Variants in AGRN observed in about 807,000 individuals in gnomAD.
AGRN encodes the protein agrin proteoglycan.
In AGRN, 106 loss-of-function variants were observed where a neutral mutation model predicts 211.0. That is an observed-to-expected ratio of 0.50 (90% CI 0.43 to 0.59). The LOEUF is 0.59. Ranked by LOEUF, AGRN falls within the 20% of genes least tolerant of loss-of-function variation. AGRN has a pLI of 0.00. For synonymous variants in AGRN, 1,525 were observed against 1,332.5 expected (o/e 1.14, Z -3.15); for missense variants, 3,040 against 2,982.6 (o/e 1.02, Z -0.45).
In AGRN at chr1:1,054,176, T is replaced by C. The variant is rs141601442; in HGVS notation, c.5876+199T>C. Among the ~76,000 whole-genome samples the C allele has an allele frequency of 2.7e-4, 41 of 152,312 alleles. 1 individual carries two copies. In the East Asian group the frequency reaches 7.9e-3, roughly 29 times the overall value. On this transcript the variant is annotated intron_variant, in intron 34 of 35. Transcript: ENST00000379370. The stretch of plus-strand genomic sequence containing the variant: ...GATCAGTTTCCACGTCTGAAAGGCA[T>C]CCCGGCCCTGCCCGGAGCCTGCCGG...
chr1:1,050,888 C>T, intron 30 of AGRN, 51 bp downstream of exon 30: 1 of 1,520,320 alleles, frequency 6.6e-7, no homozygotes, highest in Non-Finnish European at 8.8e-7. Context: ...GCTCTTCCTC[C>T]TCGGGCGGCA....
At position 1,046,142 on chromosome 1, in the gene AGRN, C is replaced by T. The variant is rs781205723; in HGVS notation, c.2806-18C>T. ...GGGGAGGAGGCCTCGCCTTGAACAT[C>T]CTTGTTCTCTGCCCCAGGTCTGTGG... On this transcript the variant is annotated intron_variant, in intron 16 of 35. Transcript: ENST00000379370. 4.5e-5 allele frequency: 73 copies of T among 1,613,824 alleles called. No individual in the cohort carries two copies. Among genetic ancestry groups the T allele is most frequent in the Non-Finnish European group, 5.8e-5 (69 of 1,180,016 alleles).
At chr1:1,050,062 CAGGGG>C in intron 27 of AGRN, 25 bp downstream of exon 27, 2 of 755,674 alleles carry the variant, frequency 2.6e-6, no homozygotes, top group East Asian at 9.8e-5. Flanking sequence ...GCTCTCGGGG[CAGGGG>C]GGGGGGGGGG....
intron 2 of AGRN, among the ~76,000 whole-genome samples, chr1:1,033,474 CCCCAGGCGCTTCCTCCTCCCGCGACCTG>C (rs1644719991): frequency 6.6e-6 from 1 of 151,642 alleles, no homozygotes. Context: ...AGCTCCTGCT[CCCCAGGCGCTTCCTCCTCCCGCGACCTG>C]CCCCGGCCGC....
rs754376269 is a variant in AGRN, at chr1:1,032,232, G to T, written c.464-3045G>T. On this transcript the variant is annotated intron_variant, in intron 2 of 35. Transcript: ENST00000379370. The surrounding 1 kb of genome is among the most constrained non-coding windows in gnomAD (Gnocchi z 4.7). Reference sequence around the variant, plus strand: ...TGGCTGAGTTTGGATTTTCCTGCAGGGTTTCATTGGAACACCAGGTTCCAG... The same window carrying T: ...TGGCTGAGTTTGGATTTTCCTGCAGTGTTTCATTGGAACACCAGGTTCCAG... Among the ~76,000 whole-genome samples the T allele has an allele frequency of 7.9e-5, 12 of 152,160 alleles. No individual in the cohort carries two copies. The highest frequency in any genetic ancestry group is 1.5e-4 in the Non-Finnish European group (10 of 68,022).
intron 7 of AGRN, among the ~76,000 whole-genome samples, chr1:1,043,010 GGCAGCCTCGCCC>G (rs1457843448): frequency 2.0e-5 from 3 of 152,090 alleles, no homozygotes; most frequent in African/African-American, 7.2e-5. Context: ...CAAGCTTGGG[GGCAGCCTCGCCC>G]GCAGCCACCG....
chr1:1,033,860 C>A (rs1486688616), intron 2 of AGRN, among the ~76,000 whole-genome samples: 1 of 150,150 alleles, frequency 6.7e-6, no homozygotes, highest in African/African-American at 2.5e-5. Context: ...GCCTGCCCGG[C>A]GTTCCCTTTT....
At chr1:1,025,112 G>A (rs1272499599) in intron 2 of AGRN, among the ~76,000 whole-genome samples, 1 of 152,162 alleles carries the variant, frequency 6.6e-6, no homozygotes, top group Admixed American at 6.5e-5. Flanking sequence ...GGCCGCCCGG[G>A]GCCCATCCCT....
Position 1,051,495 on chromosome 1 carries a change from C to T in AGRN, c.5413C>T (p.Leu1805=), listed in dbSNP as rs751461791. ...CCAGCTGCTGACCCCGGAGCACGTGCTGCGGCAGGTGGACGTCACGTCCTT... is the reference window on the plus strand; with the variant it reads ...CCAGCTGCTGACCCCGGAGCACGTGTTGCGGCAGGTGGACGTCACGTCCTT... ...GRQLLTPEHV[L]RQVDVTSFAG... The change falls in exon 32 of 36, where the codon CTG becomes TTG. Residue 1805 remains leucine (L), a synonymous_variant. Transcript: ENST00000379370. The T allele has an allele frequency of 2.9e-5, 46 of 1,569,206 alleles. No homozygotes were observed. Among genetic ancestry groups the T allele is most frequent in the Non-Finnish European group, 3.9e-5 (45 of 1,160,790 alleles).
At position 1,043,237 on chromosome 1, in the gene AGRN, AG is replaced by A; in HGVS notation, c.1385-1del. The stretch of plus-strand genomic sequence containing the variant: ...ACCACTGAGCCCCTGTGTCCTTCCC[AG>A]ACCAGGCCCCGTCCCCATGCCTCGG... On this transcript the variant is annotated splice_acceptor_variant, in intron 7 of 35. Transcript: ENST00000379370. LOFTEE classifies it high-confidence loss of function. 1 of 1,600,144 alleles carries A rather than the reference AG, an allele frequency of 6.2e-7. No homozygotes were observed. Among genetic ancestry groups the A allele is most frequent in the South Asian group, 1.1e-5 (1 of 88,428 alleles).
At chr1:1,022,533 G>A in intron 2 of AGRN, 71 bp downstream of exon 2, 4 of 1,524,518 alleles carry the variant, frequency 2.6e-6, no homozygotes, top group South Asian at 1.2e-5. Flanking sequence ...AGGTTGCAGG[G>A]GTCGCTGTGC....
rs890949955 is a variant in AGRN, at chr1:1,041,674, A to T, written c.1149A>T (p.Lys383Asn). ...CCGCCCGGGGTCTCCTCCTGCAGAA[A>T]GTGCGCTCCGGCCAGTGCCAGGGTC... ...SGAARGLLLQ[K>N]VRSGQCQGRD... is the part of the protein sequence containing the mutation. The change falls in exon 6 of 36, where the codon AAA becomes AAT. Residue 383 changes from lysine (K) to asparagine (N), a missense_variant. By Grantham distance (94) the Lys-to-Asn change is moderately conservative. Around this residue, in one of 3 missense-constraint regions of AGRN, gnomAD observed 1,498 missense variants for 1,457.8 expected, o/e 1.03. Transcript: ENST00000379370. 8 of 1,610,140 alleles carry T rather than the reference A, an allele frequency of 5.0e-6. No homozygotes were observed. In the East Asian group the frequency reaches 1.8e-4, roughly 36 times the overall value.
Position 1,048,681 on chromosome 1 carries a change from C to T in AGRN, c.4106-186C>T, listed in dbSNP as rs138543764. On this transcript the variant is annotated intron_variant, in intron 23 of 35. Coordinates refer to ENST00000379370, the MANE Select transcript of AGRN (RefSeq NM_198576.4). This position sits in a 1 kb window ranked among gnomAD's most constrained non-coding sequence, Gnocchi z 5.9. Reference sequence around the variant, plus strand: ...CCTCGTGAGGCTGAGGCAGGAGAATCGCTTGAACCTGGCAGGCGGAGGTTG... The same window carrying T: ...CCTCGTGAGGCTGAGGCAGGAGAATTGCTTGAACCTGGCAGGCGGAGGTTG... 12,200 of 707,482 alleles carry T rather than the reference C, an allele frequency of 0.017. 1,032 individuals carry two copies. The African/African-American group carries it at 0.19, about 11-fold the overall frequency. 43.8% of individuals were successfully genotyped at this position (707,482 alleles called of 1,614,324 possible). A position where few individuals can be genotyped will look rare whatever the true frequency, so the allele number is the denominator to read the frequency against.
rs1348530388 is a variant in AGRN at position 1,039,408 on chromosome 1, A to T, written c.512-1257A>T. 9.0e-5 allele frequency among the ~76,000 whole-genome samples: 3 copies of T among 33,368 alleles called. No homozygotes were observed. The Admixed American group carries it at 1.2e-3, about 14-fold the overall frequency. The allele number at this position is 33,368 out of a possible 152,430, so 21.9% of individuals were successfully genotyped here. On this transcript the variant is annotated intron_variant, in intron 3 of 35. Coordinates refer to ENST00000379370, the MANE Select transcript of AGRN (RefSeq NM_198576.4). ...CTCCCAGTGCACCCACCCTCCTTGG[A>T]GATGGGGGGGGTTCCTCCTGCCCCA...
At chr1:1,028,277 C>A (rs561078492) in intron 2 of AGRN, among the ~76,000 whole-genome samples, 2 of 150,038 alleles carry the variant, frequency 1.3e-5, no homozygotes, top group East Asian at 4.0e-4. Flanking sequence ...TGCCTCGGAG[C>A]TGCCGTCTCC....
In AGRN at chr1:1,043,330, G is replaced by C; in HGVS notation, c.1476G>C (p.Gln492His). 1 of 1,609,010 alleles carries C rather than the reference G, an allele frequency of 6.2e-7. No homozygotes were observed. Among genetic ancestry groups the C allele is most frequent in the Non-Finnish European group, 8.5e-7 (1 of 1,178,816 alleles). ...KNGQAACECL[Q>H]ACSSLYDPVC... ...GGCAGGCAGCGTGTGAATGCCTGCA[G>C]GCGTGCTCGAGCCTCTACGATCCTG... The change falls in exon 8 of 36, where the codon CAG (glutamine) becomes CAC (histidine). Residue 492 changes from glutamine to histidine, a missense_variant. By Grantham distance (24) the Gln-to-His change is conservative (BLOSUM62 0). Coordinates refer to ENST00000379370, the MANE Select transcript of AGRN (RefSeq NM_198576.4).
At chr1:1,052,181 C>CA in intron 33 of AGRN, 1 of 835,024 alleles carries the variant, frequency 1.2e-6, no homozygotes, top group South Asian at 1.6e-5. Context: ...CTCAGAAGTG[C>CA]AGTCGCCCCT....
rs763091420 is a variant in AGRN at position 1,049,731 on chromosome 1, C to T, written c.4680C>T (p.Gly1560=). Residue 1560 remains glycine (G), a synonymous_variant, in exon 26 of 36, where the codon GGC becomes GGT. Coordinates refer to ENST00000379370, the MANE Select transcript of AGRN (RefSeq NM_198576.4). Reference sequence around the variant, plus strand: ...CCTGCCTGCCCAACCCCTGCCATGGCGGGGCCCCATGCCAGAACCTGGAGG... The same window carrying T: ...CCTGCCTGCCCAACCCCTGCCATGGTGGGGCCCCATGCCAGAACCTGGAGG... The part of the protein sequence containing the change: ...DHPCLPNPCH[G]GAPCQNLEAG... 1.6e-5 allele frequency: 25 copies of T among 1,577,844 alleles called. No homozygotes were observed. Among genetic ancestry groups the T allele is most frequent in the South Asian group, 2.3e-5 (2 of 87,540 alleles).
intron 2 of AGRN, among the ~76,000 whole-genome samples, chr1:1,024,352 G>C (rs1373634673): frequency 2.6e-5 from 4 of 152,046 alleles, no homozygotes; most frequent in Non-Finnish European, 5.9e-5. Flanking sequence ...CTCTGTAGGA[G>C]ATAAGGACAT....
Sources: gnomAD v4.1 joint callset for allele counts (sites outside exome capture counted in the v4.1 genomes callset) on GRCh38, gnomAD v4.1.1 for gene constraint, gnomAD v4.1.1 regional missense constraint, Gnocchi (gnomAD v3.1) non-coding constraint, MANE v1.5 for transcripts, NCBI Gene and HGNC (gene_info 2026-07-23, HGNC 2026-07-21) for gene names.